The following MCTP1 variants were observed in gnomAD, a reference collection of about 807,000 sequenced individuals.
The protein encoded by MCTP1 is multiple C2 and transmembrane domain containing 1, also known as multiple C2 and transmembrane domain-containing protein 1.
In MCTP1, 69 loss-of-function variants were observed where a neutral mutation model predicts 120.6. The observed-to-expected ratio is 0.57, with a 90% CI of 0.47 to 0.70. MCTP1 has a LOEUF of 0.70. Among genes scored for constraint, MCTP1 ranks in the 30% least tolerant of loss-of-function variants. The probability of loss-of-function intolerance (pLI) is 0.00; values close to 1 mark genes in which losing one functional copy is unlikely to be tolerated. For synonymous variants in MCTP1, 529 were observed against 493.1 expected (o/e 1.07, Z -0.96); for missense variants, 1,203 against 1,248.8 (o/e 0.96, Z 0.55).
chr5:94,925,790 T>C (rs1186724738), intron 6 of MCTP1, among the ~76,000 whole-genome samples: 2 of 152,180 alleles, frequency 1.3e-5, no homozygotes, highest in African/African-American at 4.8e-5. Flanking sequence ...CAATTGATAA[T>C]GCAAAATTAT....
At chr5:95,037,585 G>A (rs1430749174) in intron 1 of MCTP1, among the ~76,000 whole-genome samples, 10 of 152,104 alleles carry the variant, frequency 6.6e-5, no homozygotes, top group Admixed American at 3.9e-4. Context: ...AAATAACATG[G>A]CCAGGTGCAG....
intron 1 of MCTP1, among the ~76,000 whole-genome samples, chr5:95,027,850 A>G (rs1246159175): frequency 1.3e-5 from 2 of 152,214 alleles, no homozygotes; most frequent in South Asian, 2.1e-4. Context: ...GAGACCGAGC[A>G]AAATAAGCCA....
chr5:94,989,251 G>T (rs1831034426), intron 2 of MCTP1, among the ~76,000 whole-genome samples: 1 of 152,060 alleles, frequency 6.6e-6, no homozygotes, highest in South Asian at 2.1e-4. Context: ...TTTTCTAGAG[G>T]AATTGTAATA....
intron 1 of MCTP1, among the ~76,000 whole-genome samples, chr5:95,077,038 C>T (rs1753747971): frequency 6.6e-6 from 1 of 152,172 alleles, no homozygotes; most frequent in Admixed American, 6.5e-5. Flanking sequence ...TAGTCACCTT[C>T]CTTATTTTGG....
At chr5:94,843,634 G>T (rs903525218) in intron 17 of MCTP1, among the ~76,000 whole-genome samples, 2 of 152,148 alleles carry the variant, frequency 1.3e-5, no homozygotes, top group African/African-American at 4.8e-5. Flanking sequence ...ATGTTTTGGA[G>T]GCCATTAGTT....
At chr5:94,945,591 C>G (rs1258764516) in intron 3 of MCTP1, among the ~76,000 whole-genome samples, 1 of 152,076 alleles carries the variant, frequency 6.6e-6, no homozygotes, top group African/African-American at 2.4e-5. Context: ...CAGCAGTGAT[C>G]AAAACAGTCA....
chr5:94,881,851 A>G (rs538507846), intron 12 of MCTP1, among the ~76,000 whole-genome samples: 1 of 152,202 alleles, frequency 6.6e-6, no homozygotes, highest in African/African-American at 2.4e-5. Context: ...TGATTTTAAA[A>G]CGCCAGATAT....
chr5:95,162,082 T>C (rs751954207), intron 1 of MCTP1, among the ~76,000 whole-genome samples: 4 of 152,180 alleles, frequency 2.6e-5, no homozygotes, highest in Non-Finnish European at 5.9e-5. Flanking sequence ...GTAGGTAATT[T>C]GCCACTGCTG....
chr5:94,894,709 A>G lies in MCTP1; in HGVS notation c.1779T>C (p.Ser593=), dbSNP rs1445893343. The change falls in exon 11 of 23, where the codon TCT becomes TCC. Residue 593 remains serine (S), a synonymous_variant. Transcript: ENST00000515393. ...TLTASATVSI[S]DLSVNSLEDQ... is the part of the protein sequence containing the mutation. ...CCTCCAGGGAGTTGACAGACAGGTC[A>G]GAGATGCTGACTGTGGCTGATGCTG... 6 of 1,613,724 alleles carry G rather than the reference A, an allele frequency of 3.7e-6. No individual in the cohort carries two copies. The highest frequency in any genetic ancestry group is 5.1e-6 in the Non-Finnish European group (6 of 1,179,748).
intron 19 of MCTP1, among the ~76,000 whole-genome samples, chr5:94,745,206 T>C (rs998934029): frequency 6.6e-6 from 1 of 152,222 alleles, no homozygotes; most frequent in Admixed American, 6.5e-5. Context: ...TTTCTGTCTA[T>C]AACCAGTATG....
At chr5:95,038,011 G>A in intron 1 of MCTP1, 1 of 340,370 alleles carries the variant, frequency 2.9e-6, no homozygotes, top group Non-Finnish European at 4.2e-6. Flanking sequence ...CCATCATATG[G>A]GGCATAGCAT....
At chr5:94,904,885 A>G (rs891755203) in intron 10 of MCTP1, among the ~76,000 whole-genome samples, 2 of 152,226 alleles carry the variant, frequency 1.3e-5, no homozygotes, top group African/African-American at 4.8e-5. Flanking sequence ...CAGTGAACAA[A>G]ACACTCAAAA....
At chr5:94,919,542 G>T (rs1811009173) in intron 7 of MCTP1, among the ~76,000 whole-genome samples, 1 of 152,142 alleles carries the variant, frequency 6.6e-6, no homozygotes, top group African/African-American at 2.4e-5. Flanking sequence ...CTGAAACGGG[G>T]AGTGAAAGAC....
At chr5:95,035,898 G>A (rs1841210563) in intron 1 of MCTP1, among the ~76,000 whole-genome samples, 1 of 152,036 alleles carries the variant, frequency 6.6e-6, no homozygotes, top group Non-Finnish European at 1.5e-5. Flanking sequence ...GAAGATAACA[G>A]ATTATGCTTG....
intron 1 of MCTP1, among the ~76,000 whole-genome samples, chr5:95,029,150 C>T (rs1229219417): frequency 1.5e-5 from 1 of 66,098 alleles, no homozygotes; most frequent in African/African-American, 4.1e-5. Context: ...AGCGAGACTC[C>T]ATCTCAAAAA....
chr5:94,764,995 C>T (rs1772246191), intron 19 of MCTP1, among the ~76,000 whole-genome samples: 1 of 151,980 alleles, frequency 6.6e-6, no homozygotes, highest in Non-Finnish European at 1.5e-5. Flanking sequence ...ATATATTAGG[C>T]CACGAAACAA....
intron 17 of MCTP1, among the ~76,000 whole-genome samples, chr5:94,833,282 A>G (rs1341272398): frequency 2.0e-5 from 3 of 152,162 alleles, no homozygotes. Context: ...CTGTGTAGCT[A>G]TAATAAAATA....
intron 17 of MCTP1, among the ~76,000 whole-genome samples, chr5:94,842,508 GATTT>G (rs918937628): frequency 4.2e-4 from 64 of 152,172 alleles, no homozygotes; most frequent in African/African-American, 1.3e-3. Flanking sequence ...TCATCTTTCT[GATTT>G]ATTTAGATTT....
Position 94,705,150 on chromosome 5 carries a change from A to G in MCTP1, c.*2346T>C, listed in dbSNP as rs1366867974. The G allele has an allele frequency of 6.6e-6, 1 of 151,538 alleles. No homozygotes were observed. The highest frequency in any genetic ancestry group is 2.4e-5 in the African/African-American group (1 of 41,380). 9.4% of individuals were successfully genotyped at this position (151,538 alleles called of 1,614,324 possible). ...ATTCAGTCTCTTAAGAAATATTTAC[A>G]TCACAGATCTCAAAATGAAGGCAAG... On this transcript the variant is annotated 3_prime_UTR_variant, in exon 23 of 23. Coordinates refer to ENST00000515393, the MANE Select transcript of MCTP1 (RefSeq NM_024717.7).
Sources: allele counts gnomAD v4.1 joint callset (sites outside exome capture counted in the v4.1 genomes callset), GRCh38; gene constraint gnomAD v4.1.1; transcripts MANE v1.5; gene names NCBI Gene and HGNC (gene_info 2026-07-23, HGNC 2026-07-21).